CLYBL: variants seen among roughly 807,000 people sequenced by gnomAD.
CLYBL encodes citramalyl-CoA lyase.
In CLYBL, 31 loss-of-function variants were observed where a neutral mutation model predicts 38.9. That is an observed-to-expected ratio of 0.80 (90% CI 0.60 to 1.08). The LOEUF is 1.08. Among genes scored for constraint, CLYBL ranks in the 50% least tolerant of loss-of-function variants. CLYBL has a pLI of 0.00. For missense variants in CLYBL, 434 were observed against 411.6 expected, an observed-to-expected ratio of 1.05 and a Z score of -0.47; for synonymous variants, 171 against 158.6, an observed-to-expected ratio of 1.08 and a Z score of -0.59.
intron 1 of CLYBL, among the ~76,000 whole-genome samples, chr13:99,650,291 G>A (rs1319297365): frequency 2.0e-5 from 3 of 151,928 alleles, no homozygotes; most frequent in Non-Finnish European, 2.9e-5. Context: ...GTATGGTGGC[G>A]CACACCTGTA....
rs571854807 is a variant in CLYBL at position 99,642,065 on chromosome 13, A to G, written c.62+35308A>G. ...CTCAAGGAGGACAGACACCCTGGGG[A>G]AGAACACTTGTGAGGGTACCAGGCT... On this transcript the variant is annotated intron_variant, in intron 1 of 8. Transcript: ENST00000339105. Among the ~76,000 whole-genome samples the G allele has an allele frequency of 1.7e-3, 256 of 152,338 alleles. 4 individuals carry two copies. The highest frequency in any genetic ancestry group is 0.016 in the South Asian group (75 of 4,828).
intron 1 of CLYBL, among the ~76,000 whole-genome samples, chr13:99,623,216 A>G (rs2046822625): frequency 6.6e-6 from 1 of 152,184 alleles, no homozygotes; most frequent in Admixed American, 6.5e-5. Flanking sequence ...TTTACATTCC[A>G]CCAGCAATGT....
intron 1 of CLYBL, among the ~76,000 whole-genome samples, chr13:99,629,402 C>T (rs1407558478): frequency 6.6e-6 from 1 of 152,242 alleles, no homozygotes; most frequent in Non-Finnish European, 1.5e-5. Context: ...CTTCCCCCTC[C>T]TCCAGGTTTT....
chr13:99,643,508 A>G (rs1275133113), intron 1 of CLYBL, among the ~76,000 whole-genome samples: 1 of 152,218 alleles, frequency 6.6e-6, no homozygotes, highest in Admixed American at 6.5e-5. Context: ...CATTTTCAAG[A>G]AATTGTCTCA....
Position 99,866,453 on chromosome 13 carries a change from C to T in CLYBL, c.802+46C>T. The T allele has an allele frequency of 1.9e-6, 3 of 1,563,250 alleles. No homozygotes were observed. The South Asian group carries it at 3.5e-5, about 18-fold the overall frequency. ...AGCAGTGTCTAAATTAGCAAGCATT[C>T]CAGAAAAATAGAAATTTGACCCGAA... On this transcript the variant is annotated intron_variant, in intron 6 of 8. Coordinates refer to ENST00000339105, the MANE Select transcript of CLYBL (RefSeq NM_206808.5).
At chr13:99,648,032 G>A (rs1465801472) in intron 1 of CLYBL, among the ~76,000 whole-genome samples, 1 of 152,050 alleles carries the variant, frequency 6.6e-6, no homozygotes, top group Non-Finnish European at 1.5e-5. Flanking sequence ...CTATCTTAAA[G>A]TCTTTAAAAC....
In CLYBL at chr13:99,866,362, G is replaced by A; in HGVS notation, c.757G>A (p.Gly253Arg). The stretch of plus-strand genomic sequence containing the variant: ...GTACATTGACTTTCGAGATGGAGCT[G>A]GGCTGCTTAGACAGTCACGAGAAGG... ...LVYIDFRDGA[G>R]LLRQSREGAA... Residue 253 changes from glycine to arginine, a missense_variant, in exon 6 of 9, where the codon GGG becomes AGG. Physicochemically the swap from Gly to Arg is moderately radical, Grantham distance 125. Coordinates refer to ENST00000339105, the MANE Select transcript of CLYBL (RefSeq NM_206808.5). 2 of 1,614,118 alleles carry A rather than the reference G, an allele frequency of 1.2e-6. No homozygotes were observed. The highest frequency in any genetic ancestry group is 1.7e-6 in the Non-Finnish European group (2 of 1,180,006).
chr13:99,803,613 C>T (rs543804750), intron 2 of CLYBL, among the ~76,000 whole-genome samples: 184 of 152,348 alleles, frequency 1.2e-3, no homozygotes, highest in Non-Finnish European at 2.0e-3. Flanking sequence ...ATACTTCTCA[C>T]CTGGGGTTGA....
intron 2 of CLYBL, among the ~76,000 whole-genome samples, chr13:99,779,060 CA>C (rs2049582825): frequency 6.6e-6 from 1 of 152,000 alleles, no homozygotes; most frequent in African/African-American, 2.4e-5. Context: ...TTGAGAGTGG[CA>C]AAAAGTAAAT....
At chr13:99,907,784 C>T (rs1281220954) in intron 9 of CLYBL, among the ~76,000 whole-genome samples, 1 of 152,166 alleles carries the variant, frequency 6.6e-6, no homozygotes, top group Non-Finnish European at 1.5e-5. Flanking sequence ...AGTTTGAGCT[C>T]AGGAGTTTGA....
chr13:99,615,583 A>T (rs1206001652), intron 1 of CLYBL, among the ~76,000 whole-genome samples: 1 of 152,204 alleles, frequency 6.6e-6, no homozygotes, highest in Non-Finnish European at 1.5e-5. Flanking sequence ...AATAAATAAG[A>T]AATCAAGGAA....
intron 7 of CLYBL, among the ~76,000 whole-genome samples, chr13:99,875,762 A>G (rs1025673576): frequency 6.6e-6 from 1 of 152,200 alleles, no homozygotes; most frequent in Admixed American, 6.5e-5. Flanking sequence ...TTCCCTCTGG[A>G]TTTATGAGCA....
chr13:99,775,394 T>G (rs1594174665), intron 2 of CLYBL, among the ~76,000 whole-genome samples: 1 of 152,196 alleles, frequency 6.6e-6, no homozygotes, highest in East Asian at 1.9e-4. Flanking sequence ...CCCACCATCT[T>G]GAAGTACATA....
intron 1 of CLYBL, among the ~76,000 whole-genome samples, chr13:99,613,705 A>C (rs1051952413): frequency 2.6e-5 from 4 of 152,216 alleles, no homozygotes; most frequent in African/African-American, 9.7e-5. Flanking sequence ...CTGAGATGGA[A>C]AAATGATCAC....
chr13:99,748,894 G>GA (rs2048905115), intron 1 of CLYBL, among the ~76,000 whole-genome samples: 1 of 151,958 alleles, frequency 6.6e-6, no homozygotes. Context: ...CATTCTGTGT[G>GA]AAAAAAGACT....
chr13:99,664,515 AG>A (rs2139342058), intron 1 of CLYBL, among the ~76,000 whole-genome samples: 1 of 152,222 alleles, frequency 6.6e-6, no homozygotes, highest in East Asian at 1.9e-4. Flanking sequence ...TGATTACTAA[AG>A]ATACCTTTGC....
intron 1 of CLYBL, among the ~76,000 whole-genome samples, chr13:99,667,948 G>T (rs2047507243): frequency 6.6e-6 from 1 of 152,188 alleles, no homozygotes; most frequent in South Asian, 2.1e-4. Context: ...GGTATGAAAA[G>T]ATGAGGAGCA....
chr13:99,607,483 G>A (rs2046545754), intron 1 of CLYBL, among the ~76,000 whole-genome samples: 1 of 152,158 alleles, frequency 6.6e-6, no homozygotes, highest in East Asian at 1.9e-4. Context: ...CCCTCTCAAC[G>A]GGTCTCAGGG....
chr13:99,637,498 C>T (rs1386920796), intron 1 of CLYBL, among the ~76,000 whole-genome samples: 13 of 152,186 alleles, frequency 8.5e-5, no homozygotes, highest in African/African-American at 1.7e-4. Context: ...CGGTGGCTCA[C>T]GCCTGTAATC....
Sources: allele counts gnomAD v4.1 joint callset (sites outside exome capture counted in the v4.1 genomes callset), GRCh38; gene constraint gnomAD v4.1.1; transcripts MANE v1.5; gene names NCBI Gene and HGNC (gene_info 2026-07-23, HGNC 2026-07-21).